Variants in ZNF804B observed in about 807,000 individuals in gnomAD.
ZNF804B encodes zinc finger 804B.
In ZNF804B, 80 loss-of-function variants were observed where a neutral mutation model predicts 101.4. The observed-to-expected ratio is 0.79, with a 90% confidence interval of 0.66 to 0.95. ZNF804B has a LOEUF of 0.95. Among genes scored for constraint, ZNF804B ranks in the 40% least tolerant of loss-of-function variants. The probability of loss-of-function intolerance (pLI) is 0.00; values close to 1 mark genes in which losing one functional copy is unlikely to be tolerated. For missense variants in ZNF804B, 1,673 were observed against 1,561.9 expected, an observed-to-expected ratio of 1.07 and a Z score of -1.20; for synonymous variants, 622 against 558.8, an observed-to-expected ratio of 1.11 and a Z score of -1.59.
intron 1 of ZNF804B, among the ~76,000 whole-genome samples, chr7:89,139,031 G>A (rs1050768218): frequency 1.3e-5 from 2 of 152,000 alleles, no homozygotes; most frequent in African/African-American, 4.8e-5. Context: ...GCATGTGTGT[G>A]TATACAGGCA....
At chr7:88,886,610 T>C (rs1792131978) in intron 1 of ZNF804B, among the ~76,000 whole-genome samples, 1 of 151,746 alleles carries the variant, frequency 6.6e-6, no homozygotes, top group East Asian at 1.9e-4. Flanking sequence ...ACACAATGTA[T>C]GGTGATTTTC....
At chr7:89,164,122 AG>A (rs1791108559) in intron 1 of ZNF804B, among the ~76,000 whole-genome samples, 1 of 152,052 alleles carries the variant, frequency 6.6e-6, no homozygotes, top group African/African-American at 2.4e-5. Context: ...TTATAAAATG[AG>A]CTTTGATAAC....
intron 1 of ZNF804B, among the ~76,000 whole-genome samples, chr7:89,188,121 A>G (rs1296628638): frequency 6.6e-6 from 1 of 151,860 alleles, no homozygotes; most frequent in Non-Finnish European, 1.5e-5. Context: ...GCATCAAACA[A>G]GTCTACATGT....
intron 1 of ZNF804B, among the ~76,000 whole-genome samples, chr7:89,091,028 C>T (rs376768269): frequency 3.3e-5 from 5 of 152,080 alleles, no homozygotes; most frequent in African/African-American, 1.2e-4. Flanking sequence ...GATGAGCTTT[C>T]CATACATAAT....
chr7:88,772,222 C>A (rs1308806151), intron 1 of ZNF804B, among the ~76,000 whole-genome samples: 5 of 152,156 alleles, frequency 3.3e-5, no homozygotes, highest in Admixed American at 1.3e-4. Context: ...CCTTGGTGAC[C>A]ACCACTGATG....
chr7:88,842,365 G>A (rs1370425465), intron 1 of ZNF804B, among the ~76,000 whole-genome samples: 1 of 152,122 alleles, frequency 6.6e-6, no homozygotes, highest in African/African-American at 2.4e-5. Context: ...CCCATGAAGT[G>A]GAACACTGCC....
intron 2 of ZNF804B, among the ~76,000 whole-genome samples, chr7:89,218,933 G>A (rs543413773): frequency 3.3e-5 from 5 of 152,068 alleles, no homozygotes; most frequent in African/African-American, 9.6e-5. Flanking sequence ...CTGTCTCAGG[G>A]GTGGCAGAGG....
At chr7:88,989,965 T>C (rs1793820834) in intron 1 of ZNF804B, among the ~76,000 whole-genome samples, 1 of 152,068 alleles carries the variant, frequency 6.6e-6, no homozygotes, top group Non-Finnish European at 1.5e-5. Context: ...CTATAATTTT[T>C]TTCTTATGAA....
intron 2 of ZNF804B, among the ~76,000 whole-genome samples, chr7:89,261,035 T>C (rs1789705386): frequency 6.6e-6 from 1 of 152,182 alleles, no homozygotes; most frequent in Non-Finnish European, 1.5e-5. Flanking sequence ...AACTGCTCAA[T>C]TGAAATGAGT....
chr7:89,134,117 A>G (rs1263233891), intron 1 of ZNF804B, among the ~76,000 whole-genome samples: 1 of 152,074 alleles, frequency 6.6e-6, no homozygotes, highest in African/African-American at 2.4e-5. Context: ...CAACAAAAAC[A>G]AATAAGCAAA....
chr7:88,932,441 G>T (rs1792901058), intron 1 of ZNF804B, among the ~76,000 whole-genome samples: 1 of 151,506 alleles, frequency 6.6e-6, no homozygotes, highest in South Asian at 2.1e-4. Context: ...AAATACAAAA[G>T]ATAAATGAAA....
chr7:89,244,989 C>G (rs1789422615), intron 2 of ZNF804B, among the ~76,000 whole-genome samples: 1 of 152,086 alleles, frequency 6.6e-6, no homozygotes, highest in Non-Finnish European at 1.5e-5. Flanking sequence ...ACAAATTAAA[C>G]TATGACATCA....
intron 1 of ZNF804B, among the ~76,000 whole-genome samples, chr7:88,890,981 T>A (rs926118908): frequency 2.7e-5 from 4 of 148,338 alleles, no homozygotes; most frequent in African/African-American, 1.0e-4. Flanking sequence ...CGTATTTATC[T>A]GTTTTGTTTT....
intron 1 of ZNF804B, among the ~76,000 whole-genome samples, chr7:89,009,434 G>A (rs1788419484): frequency 6.6e-6 from 1 of 152,040 alleles, no homozygotes; most frequent in Non-Finnish European, 1.5e-5. Context: ...TTTAATACCT[G>A]TCAAATTGAA....
At chr7:89,072,350 C>T (rs1030373168) in intron 1 of ZNF804B, among the ~76,000 whole-genome samples, 5 of 152,152 alleles carry the variant, frequency 3.3e-5, no homozygotes, top group Admixed American at 3.3e-4. Context: ...ATTACTATGC[C>T]TTATTTTCCT....
At chr7:89,015,860 G>A (rs1380041304) in intron 1 of ZNF804B, among the ~76,000 whole-genome samples, 3 of 152,104 alleles carry the variant, frequency 2.0e-5, no homozygotes, top group Admixed American at 6.5e-5. Flanking sequence ...CCAGTAATGG[G>A]ATGGCTGGGT....
At chr7:89,190,885 C>G (rs1329479564) in intron 1 of ZNF804B, among the ~76,000 whole-genome samples, 1 of 152,028 alleles carries the variant, frequency 6.6e-6, no homozygotes, top group Non-Finnish European at 1.5e-5. Flanking sequence ...AAAATTATGC[C>G]AGGTACCTTG....
chr7:89,255,161 G>A (rs1002313110), intron 2 of ZNF804B, among the ~76,000 whole-genome samples: 2 of 152,084 alleles, frequency 1.3e-5, no homozygotes, highest in African/African-American at 4.8e-5. Context: ...TTCTTCACAG[G>A]GGTGGCAGAA....
intron 1 of ZNF804B, among the ~76,000 whole-genome samples, chr7:89,216,129 C>A (rs957798610): frequency 1.3e-5 from 2 of 151,822 alleles, no homozygotes; most frequent in Non-Finnish European, 2.9e-5. Context: ...CATGGTGAAA[C>A]CCCGTCTCTA....
Sources: allele counts gnomAD v4.1 joint callset (sites outside exome capture counted in the v4.1 genomes callset), GRCh38; gene constraint gnomAD v4.1.1; transcripts MANE v1.5; gene names NCBI Gene and HGNC (gene_info 2026-07-23, HGNC 2026-07-21).